TMC2: variants seen among roughly 807,000 people sequenced by gnomAD.
The protein encoded by TMC2 is transmembrane channel-like protein 2.
A neutral mutation model predicts 105.9 loss-of-function variants in TMC2; 102 were observed. The ratio of observed to expected loss-of-function variants is 0.96; its 90% confidence interval spans 0.82 to 1.14. TMC2 has a LOEUF of 1.14. Ranked by LOEUF, TMC2 falls within the 50% of genes most tolerant of loss-of-function variation. TMC2 has a pLI of 0.00. For missense variants in TMC2, 1,093 were observed against 1,134.3 expected (o/e 0.96, Z 0.52); for synonymous variants, 402 against 422.8 (o/e 0.95, Z 0.60).
intron 11 of TMC2, among the ~76,000 whole-genome samples, chr20:2,604,764 A>G (rs113733074): frequency 1.6e-4 from 24 of 152,318 alleles, no homozygotes; most frequent in African/African-American, 3.1e-4. Flanking sequence ...TGATTTAATC[A>G]ATCATGACTA....
At chr20:2,621,221 G>A (rs566623962) in intron 16 of TMC2, among the ~76,000 whole-genome samples, 1 of 152,122 alleles carries the variant, frequency 6.6e-6, no homozygotes, top group African/African-American at 2.4e-5. Flanking sequence ...AATTAGCCAG[G>A]TGTGGTGGTG....
intron 14 of TMC2, among the ~76,000 whole-genome samples, chr20:2,615,309 A>C (rs2086472136): frequency 6.6e-6 from 1 of 152,248 alleles, no homozygotes; most frequent in African/African-American, 2.4e-5. Context: ...CAACAGAGCG[A>C]GACTCCGTCT....
chr20:2,587,984 A>T (rs1469963799), intron 7 of TMC2, among the ~76,000 whole-genome samples: 1 of 151,330 alleles, frequency 6.6e-6, no homozygotes, highest in Non-Finnish European at 1.5e-5. Context: ...TCTAAGAATG[A>T]CCCTAAATGA....
At chr20:2,608,597 G>C (rs983530955) in intron 11 of TMC2, among the ~76,000 whole-genome samples, 25 of 151,980 alleles carry the variant, frequency 1.6e-4, no homozygotes, top group Admixed American at 2.6e-4. Flanking sequence ...CAAAGTGCTG[G>C]GATTACAGGC....
At chr20:2,562,677 G>A (rs563380554) in intron 4 of TMC2, among the ~76,000 whole-genome samples, 13 of 152,336 alleles carry the variant, frequency 8.5e-5, no homozygotes, top group Non-Finnish European at 1.6e-4. Context: ...AATAACAGTA[G>A]ACTCACACCT....
chr20:2,632,193 T>C (rs753107053), intron 17 of TMC2, among the ~76,000 whole-genome samples: 28 of 152,236 alleles, frequency 1.8e-4, no homozygotes, highest in Non-Finnish European at 2.8e-4. Flanking sequence ...AGCTAATTTG[T>C]GTATTTTTAG....
intron 2 of TMC2, among the ~76,000 whole-genome samples, chr20:2,544,756 C>T (rs554720397): frequency 6.6e-6 from 1 of 152,216 alleles, no homozygotes; most frequent in African/African-American, 2.4e-5. Context: ...CTAATCAGAT[C>T]TCTTGTAAAT....
At chr20:2,631,705 G>GTT (rs56986596) in intron 17 of TMC2, among the ~76,000 whole-genome samples, 23,537 of 145,416 alleles carry the variant, frequency 0.16, 2,049 homozygotes, top group Middle Eastern at 0.18. Context: ...GACTATGGCT[G>GTT]TTTTTTTTTT....
chr20:2,640,238 C>T (rs963991695), intron 19 of TMC2, among the ~76,000 whole-genome samples: 10 of 152,124 alleles, frequency 6.6e-5, no homozygotes, highest in African/African-American at 1.7e-4. Flanking sequence ...TCAAGTGATC[C>T]GCCTCAAACG....
chr20:2,589,280 G>GTGTGTGTGTA (rs2086252761), intron 7 of TMC2, among the ~76,000 whole-genome samples: 1 of 141,092 alleles, frequency 7.1e-6, no homozygotes, highest in African/African-American at 2.8e-5. Flanking sequence ...CTGTGTGTGT[G>GTGTGTGTGTA]TGTGTGTGTG....
intron 5 of TMC2, among the ~76,000 whole-genome samples, chr20:2,574,739 TG>T (rs1169435340): frequency 6.6e-6 from 1 of 152,142 alleles, no homozygotes; most frequent in East Asian, 1.9e-4. Flanking sequence ...CTTATTCCTT[TG>T]TTTTTTTGTT....
intron 4 of TMC2, among the ~76,000 whole-genome samples, chr20:2,564,150 C>CT (rs71193976): frequency 0.12 from 13,808 of 119,780 alleles, 2,597 homozygotes; most frequent in African/African-American, 0.37. Flanking sequence ...TCAGCCTCCT[C>CT]TTTTTTTTTT....
At chr20:2,550,901 T>C (rs1271353543) in intron 2 of TMC2, among the ~76,000 whole-genome samples, 2 of 152,248 alleles carry the variant, frequency 1.3e-5, no homozygotes, top group African/African-American at 4.8e-5. Flanking sequence ...ACATCTTAGT[T>C]GCTTCCAAGT....
intron 18 of TMC2, among the ~76,000 whole-genome samples, chr20:2,636,478 A>ACACACACACACACACACACACG (rs754548427): frequency 6.6e-6 from 1 of 151,332 alleles, no homozygotes; most frequent in Non-Finnish European, 1.5e-5. Context: ...ACACACACAC[A>ACACACACACACACACACACACG]CACACACACA....
rs755640543 is a variant in TMC2 at position 2,637,599 on chromosome 20, C to A, written c.2503+8C>A. On this transcript the variant is annotated splice_region_variant and intron_variant, in intron 19 of 19. Transcript: ENST00000358864. The stretch of plus-strand genomic sequence containing the variant: ...TCCAACTCACCAAGGAAGGTAAGCT[C>A]TTTGTCATAATGATTATGTTTTACA... 1.9e-6 allele frequency: 3 copies of A among 1,588,390 alleles called. No homozygotes were observed. Among genetic ancestry groups the A allele is most frequent in the Non-Finnish European group, 2.6e-6 (3 of 1,156,994 alleles).
Position 2,628,976 on chromosome 20 carries a change from C to G in TMC2, c.2306+4580C>G, listed in dbSNP as rs1273424777. On this transcript the variant is annotated intron_variant, in intron 17 of 19. Transcript: ENST00000358864. ...AATTAGCCGGGCGTGGTGGCGGGCG[C>G]CTGTGGTCCCAGCTACTCGGGAGGC... Among the ~76,000 whole-genome samples, 165 of 151,406 alleles carry G rather than the reference C, an allele frequency of 1.1e-3. 3 individuals carry two copies. In the East Asian group the frequency reaches 0.022, roughly 21 times the overall value.
rs139430355 is a variant in TMC2, at chr20:2,617,119, G to A, written c.1988G>A (p.Arg663His). Reference protein sequence around the residue: ...APGLVGINVLRLLTSMYFQCW... With the variant: ...APGLVGINVLHLLTSMYFQCW... ...GGCCTGGTGGGCATTAATGTGCTGC[G>A]CCTGCTGACCTCCATGTACTTCCAG... The change falls in exon 16 of 20, where the codon CGC becomes CAC. Residue 663 changes from arginine (R) to histidine (H), a missense_variant. Arg to His is a conservative substitution (Grantham distance 29). Coordinates refer to ENST00000358864, the MANE Select transcript of TMC2 (RefSeq NM_080751.3). 1.6e-4 allele frequency: 265 copies of A among 1,614,130 alleles called. 1 individual carries two copies. The highest frequency in any genetic ancestry group is 8.5e-4 in the African/African-American group (64 of 75,034).
At position 2,561,904 on chromosome 20, in the gene TMC2, G is replaced by A. The variant is rs147445951; in HGVS notation, c.448G>A (p.Glu150Lys). Residue 150 changes from glutamate (E) to lysine (K), a missense_variant, in exon 4 of 20, where the codon GAG becomes AAG. Physicochemically the swap from Glu to Lys is moderately conservative, Grantham distance 56. Coordinates refer to ENST00000358864, the MANE Select transcript of TMC2 (RefSeq NM_080751.3). ...SSASGGESLSEEELAQILEQV... is the reference protein window; with the variant it reads ...SSASGGESLSKEELAQILEQV... ...TGCCTCTGGTGGGGAGTCCCTGTCCGAGGAGGAACTGGCCCAGATCCTGGA... is the reference window on the plus strand; with the variant it reads ...TGCCTCTGGTGGGGAGTCCCTGTCCAAGGAGGAACTGGCCCAGATCCTGGA... 2.5e-3 allele frequency: 3,980 copies of A among 1,614,196 alleles called. 81 individuals are homozygous for A. In the African/African-American group the frequency reaches 0.041, roughly 17 times the overall value.
intron 14 of TMC2, chr20:2,613,823 C>T (rs2086461233): frequency 4.4e-6 from 1 of 228,932 alleles, no homozygotes; most frequent in African/African-American, 2.3e-5. Context: ...GTGTCATTTC[C>T]TCTCTGTAGT....
Sources: allele counts gnomAD v4.1 joint callset (sites outside exome capture counted in the v4.1 genomes callset), GRCh38; gene constraint gnomAD v4.1.1; transcripts MANE v1.5; gene names NCBI Gene and HGNC (gene_info 2026-07-23, HGNC 2026-07-21).